The following SSH2 variants were observed in gnomAD, a reference collection of about 807,000 sequenced individuals.
SSH2 encodes slingshot protein phosphatase 2, also known as protein phosphatase Slingshot homolog 2.
A neutral mutation model predicts 135.2 loss-of-function variants in SSH2; 37 were observed. The observed-to-expected ratio is 0.27, with a 90% CI of 0.21 to 0.36. The LOEUF (loss-of-function observed/expected upper bound fraction) is 0.36, where lower values mean the gene tolerates loss of function less well. Ranked by LOEUF, SSH2 falls within the 10% of genes least tolerant of loss-of-function variation. SSH2 has a pLI of 1.00. For missense variants in SSH2, 1,408 were observed against 1,765.3 expected (o/e 0.80, Z 3.63); for synonymous variants, 628 against 646.2 (o/e 0.97, Z 0.43).
At chr17:29,745,039 T>G (rs1188582750) in intron 3 of SSH2, among the ~76,000 whole-genome samples, 1 of 152,154 alleles carries the variant, frequency 6.6e-6, no homozygotes, top group East Asian at 1.9e-4. Context: ...TTGGCAACCT[T>G]CCTAAATAAA....
chr17:29,897,724 C>G (rs1352000974), intron 1 of SSH2, among the ~76,000 whole-genome samples: 1 of 152,104 alleles, frequency 6.6e-6, no homozygotes, highest in Admixed American at 6.5e-5. Context: ...ATCAATGAGA[C>G]AGAAGGTTAA....
intron 1 of SSH2, among the ~76,000 whole-genome samples, chr17:29,860,751 C>CT (rs112494908): frequency 3.8e-4 from 54 of 142,912 alleles, no homozygotes; most frequent in Admixed American, 8.4e-4. Context: ...CACTTTTTTT[C>CT]TTTTTTTTTT....
chr17:29,876,364 G>C (rs530193684), intron 1 of SSH2, among the ~76,000 whole-genome samples: 1 of 152,208 alleles, frequency 6.6e-6, no homozygotes, highest in African/African-American at 2.4e-5. Flanking sequence ...CTCATTTTTG[G>C]GAAAGGTGTC....
intron 2 of SSH2, among the ~76,000 whole-genome samples, chr17:29,805,863 C>CAA (rs11417396): frequency 0.03 from 4,242 of 143,610 alleles, 87 homozygotes; most frequent in Middle Eastern, 0.072. Context: ...ACTCAGCTAT[C>CAA]AAAAAAAAAA....
intron 6 of SSH2, 92 bp from the exon 7 acceptor site, chr17:29,677,833 C>T: frequency 1.0e-6 from 1 of 965,418 alleles, no homozygotes; most frequent in Non-Finnish European, 1.6e-6. Context: ...AGGATAAACC[C>T]TTAAATTCTA....
At chr17:29,892,158 G>A (rs1255593597) in intron 1 of SSH2, among the ~76,000 whole-genome samples, 1 of 151,622 alleles carries the variant, frequency 6.6e-6, no homozygotes, top group African/African-American at 2.4e-5. Flanking sequence ...CTGCCTTATA[G>A]TCTCCCAAGT....
chr17:29,648,825 C>T (rs545570939), intron 13 of SSH2, among the ~76,000 whole-genome samples: 3 of 151,866 alleles, frequency 2.0e-5, no homozygotes, highest in South Asian at 4.2e-4. Context: ...GGTGAAACCC[C>T]GTCTCTACTA....
rs142608908 is a variant in SSH2, at chr17:29,684,780, C to T, written c.358-96G>A. The T allele has an allele frequency of 3.0e-3, 3,567 of 1,185,892 alleles. 15 individuals are homozygous for T. The highest frequency in any genetic ancestry group is 3.6e-3 in the Non-Finnish European group (3,058 of 850,524). 73.5% of individuals were successfully genotyped at this position (1,185,892 alleles called of 1,614,324 possible). On this transcript the variant is annotated intron_variant, in intron 5 of 15. Coordinates refer to ENST00000540801, the MANE Select transcript of SSH2 (RefSeq NM_001282129.2). ...TCATCAGCATCTTAAAGCATACTCA[C>T]GAAGGCAGCAGAGCCAGTAGTTAGG...
intron 3 of SSH2, among the ~76,000 whole-genome samples, chr17:29,722,848 T>G (rs1400859728): frequency 6.6e-6 from 1 of 152,216 alleles, no homozygotes; most frequent in Admixed American, 6.5e-5. Flanking sequence ...GTAGAGCTGC[T>G]GTCAACAAGT....
In SSH2 at chr17:29,708,993, AAT is replaced by A. The variant is rs374708601; in HGVS notation, c.189-5933_189-5932del. ...AGGGGAAAGTCATCCCTAGTTAAGAAATATATATATATATATATATATAGAGA... is the reference window on the plus strand; with the variant it reads ...AGGGGAAAGTCATCCCTAGTTAAGAAATATATATATATATATATATAGAGA... On this transcript the variant is annotated intron_variant, in intron 3 of 15. Transcript: ENST00000540801. 7.0e-3 allele frequency among the ~76,000 whole-genome samples: 459 copies of A among 65,814 alleles called. 4 individuals carry two copies. The highest frequency in any genetic ancestry group is 0.024 in the African/African-American group (414 of 17,236). 43.2% of individuals were successfully genotyped at this position (65,814 alleles called of 152,430 possible).
chr17:29,754,817 C>T (rs1251019593), intron 3 of SSH2, among the ~76,000 whole-genome samples: 1 of 152,172 alleles, frequency 6.6e-6, no homozygotes, highest in African/African-American at 2.4e-5. Flanking sequence ...CAGGCACGCA[C>T]CACCATGCCC....
At chr17:29,751,980 C>T (rs754789067) in intron 3 of SSH2, among the ~76,000 whole-genome samples, 22 of 152,116 alleles carry the variant, frequency 1.4e-4, no homozygotes, top group Admixed American at 1.1e-3. Flanking sequence ...TTATAAAATG[C>T]CCATGAATAT....
At chr17:29,695,847 G>A (rs773587678) in intron 4 of SSH2, among the ~76,000 whole-genome samples, 1 of 152,092 alleles carries the variant, frequency 6.6e-6, no homozygotes, top group Non-Finnish European at 1.5e-5. Flanking sequence ...GGCAGAGGTA[G>A]CACCCACTGG....
rs533627568 is a variant in SSH2 at position 29,850,253 on chromosome 17, G to T, written c.64-1324C>A. Among the ~76,000 whole-genome samples the T allele has an allele frequency of 9.7e-4, 148 of 152,166 alleles. 1 individual carries two copies. The highest frequency in any genetic ancestry group is 5.0e-3 in the Admixed American group (77 of 15,286). On this transcript the variant is annotated intron_variant, in intron 1 of 15. Transcript: ENST00000540801. ...CAACTCAAAAAAGGGAACAGAAAAG[G>T]CTCCAACTCTGACTCATTAGATTCT... is the stretch of plus-strand genomic sequence containing the variant.
chr17:29,655,546 G>T lies in SSH2; in HGVS notation c.1079+15C>A, dbSNP rs746240686. ...CTGTTACACAGGGGTGCCAGCTATT[G>T]CTTTGTGTGCTTACCCTCGGTTCTG... On this transcript the variant is annotated intron_variant, in intron 12 of 15. Coordinates refer to ENST00000540801, the MANE Select transcript of SSH2 (RefSeq NM_001282129.2). 2.1e-5 allele frequency: 34 copies of T among 1,613,476 alleles called. No homozygotes were observed. The highest frequency in any genetic ancestry group is 5.3e-5 in the African/African-American group (4 of 74,904).
intron 2 of SSH2, among the ~76,000 whole-genome samples, chr17:29,803,994 G>A (rs1270832473): frequency 6.6e-6 from 1 of 152,130 alleles, no homozygotes; most frequent in East Asian, 1.9e-4. Context: ...TTTGGAAGAG[G>A]CTCAGACATG....
At chr17:29,732,083 A>G (rs970966994) in intron 3 of SSH2, among the ~76,000 whole-genome samples, 3 of 152,158 alleles carry the variant, frequency 2.0e-5, no homozygotes, top group Non-Finnish European at 4.4e-5. Flanking sequence ...TGGTGAAGTG[A>G]TATCTCCTGC....
chr17:29,878,958 T>A (rs2066086134), intron 1 of SSH2, among the ~76,000 whole-genome samples: 1 of 152,198 alleles, frequency 6.6e-6, no homozygotes, highest in African/African-American at 2.4e-5. Context: ...ACAGGAAAAC[T>A]TAACAAATAC....
intron 14 of SSH2, among the ~76,000 whole-genome samples, chr17:29,647,495 GATGTTGAAAAGTGGTATTAAT>G (rs1187545274): frequency 6.6e-6 from 1 of 151,212 alleles, no homozygotes; most frequent in African/African-American, 2.4e-5. Context: ...AGTCTTATAA[GATGTTGAAAAGTGGTATTAAT>G]ATTTAGTATT....
Sources: allele counts gnomAD v4.1 joint callset (sites outside exome capture counted in the v4.1 genomes callset), GRCh38; gene constraint gnomAD v4.1.1; transcripts MANE v1.5; gene names NCBI Gene and HGNC (gene_info 2026-07-23, HGNC 2026-07-21).